AOX1: variants seen among roughly 807,000 people sequenced by gnomAD.
AOX1 encodes aldehyde oxidase.
In AOX1, 153 loss-of-function variants were observed where a neutral mutation model predicts 169.5. The observed-to-expected ratio is 0.90, with a 90% CI of 0.79 to 1.03. AOX1 has a LOEUF of 1.03. AOX1 is among the 50% of genes least tolerant of loss of function. The pLI is 0.00. For synonymous variants in AOX1, 562 were observed against 581.9 expected (o/e 0.97, Z 0.49); for missense variants, 1,656 against 1,663.9 (o/e 1.00, Z 0.08).
intron 10 of AOX1, among the ~76,000 whole-genome samples, chr2:200,606,570 G>A (rs878860074): frequency 2.6e-5 from 4 of 152,138 alleles, no homozygotes; most frequent in African/African-American, 9.7e-5. Flanking sequence ...AATTACTTTG[G>A]GCAGTATGGC....
chr2:200,667,305 T>C (rs902888571), intron 32 of AOX1, among the ~76,000 whole-genome samples: 2 of 152,162 alleles, frequency 1.3e-5, no homozygotes, highest in Admixed American at 6.5e-5. Flanking sequence ...GTGAAGTCGG[T>C]GGGCTGTACC....
chr2:200,629,749 GT>G (rs1207532155), intron 20 of AOX1, among the ~76,000 whole-genome samples: 1 of 152,108 alleles, frequency 6.6e-6, no homozygotes, highest in East Asian at 1.9e-4. Context: ...GGGGTTCCTT[GT>G]TTCATGTTTG....
At chr2:200,618,078 A>C (rs1323195844) in intron 16 of AOX1, among the ~76,000 whole-genome samples, 1 of 152,176 alleles carries the variant, frequency 6.6e-6, no homozygotes, top group Non-Finnish European at 1.5e-5. Flanking sequence ...CTGAACCCCA[A>C]TAAGTAAACT....
In AOX1 at chr2:200,639,894, G is replaced by A. The variant is rs533431596; in HGVS notation, c.2569-1204G>A. Among the ~76,000 whole-genome samples, 11 of 151,934 alleles carry A rather than the reference G, an allele frequency of 7.2e-5. No homozygotes were observed. In the East Asian group the frequency reaches 1.2e-3, roughly 16 times the overall value. On this transcript the variant is annotated intron_variant, in intron 23 of 34. Coordinates refer to ENST00000374700, the MANE Select transcript of AOX1 (RefSeq NM_001159.4). The stretch of plus-strand genomic sequence containing the variant: ...TAATAAAAATACAAAAAAATTAGCC[G>A]GGCATGGTGGCAGGCACCTGTAATC...
intron 29 of AOX1, among the ~76,000 whole-genome samples, chr2:200,660,634 A>G (rs1179200563): frequency 6.6e-6 from 1 of 152,224 alleles, no homozygotes; most frequent in African/African-American, 2.4e-5. Flanking sequence ...TCAAAGTAAT[A>G]GTTTATCAAC....
At chr2:200,627,250 G>A in intron 19 of AOX1, 103 bp from the exon 20 acceptor site, 1 of 748,894 alleles carries the variant, frequency 1.3e-6, no homozygotes, top group Non-Finnish European at 2.3e-6. Flanking sequence ...ACAAGGTGAA[G>A]GGAGAAACAA....
chr2:200,609,506 T>C, intron 12 of AOX1, 92 bp downstream of exon 12: 2 of 1,105,576 alleles, frequency 1.8e-6, no homozygotes, highest in South Asian at 2.6e-5. Flanking sequence ...TGAAAATGAC[T>C]TTTCCCTATA....
intron 31 of AOX1, among the ~76,000 whole-genome samples, chr2:200,664,151 A>G (rs1256517746): frequency 1.3e-5 from 2 of 152,036 alleles, no homozygotes; most frequent in Non-Finnish European, 2.9e-5. Flanking sequence ...TTGAGACAGA[A>G]TTTCACTCTG....
chr2:200,657,281 T>C (rs1183469948), intron 27 of AOX1, among the ~76,000 whole-genome samples: 1 of 148,486 alleles, frequency 6.7e-6, no homozygotes, highest in Non-Finnish European at 1.5e-5. Context: ...TGCTTGAGCC[T>C]GGGAGGTCGA....
In AOX1 at chr2:200,605,569, C is replaced by T. The variant is rs766081863; in HGVS notation, c.848C>T (p.Pro283Leu). Residue 283 changes from proline (P) to leucine (L), a missense_variant, in exon 10 of 35, where the codon CCA becomes CTA. Coordinates refer to ENST00000374700, the MANE Select transcript of AOX1 (RefSeq NM_001159.4). ...PEVKFKGVFH[P>L]VIISPDRIEE... is the part of the protein sequence containing the mutation. ...GTGAAATTTAAAGGCGTCTTTCACC[C>T]AGTTATAATTTCTCCTGATAGAATT... 20 of 1,561,256 alleles carry T rather than the reference C, an allele frequency of 1.3e-5. No homozygotes were observed. The highest frequency in any genetic ancestry group is 7.3e-5 in the Admixed American group (4 of 54,512).
chr2:200,602,654 C>T (rs942203139), intron 6 of AOX1, among the ~76,000 whole-genome samples: 2 of 152,076 alleles, frequency 1.3e-5, no homozygotes, highest in Non-Finnish European at 2.9e-5. Flanking sequence ...TAGCCCTCTG[C>T]GAACATGTGA....
intron 14 of AOX1, 55 bp from the exon 15 acceptor site, chr2:200,613,749 A>G (rs1027180858): frequency 6.6e-7 from 1 of 1,512,510 alleles, no homozygotes; most frequent in Non-Finnish European, 9.0e-7. Flanking sequence ...CATTAGATGA[A>G]GATATGGGGT....
At position 200,620,683 on chromosome 2, in the gene AOX1, AT is replaced by A; in HGVS notation, c.1740del (p.Ile580MetfsTer11). 6.4e-7 allele frequency: 1 copy of A among 1,566,974 alleles called. No homozygotes were observed. Among genetic ancestry groups the A allele is most frequent in the Non-Finnish European group, 8.6e-7 (1 of 1,165,362 alleles). ...CCCAAAGCAGCATCCTGAAGACCCA[AT>A]TGGCCACCCCATCATGCATCTGTCT... ...IGPKQHPEDP[I>X]GHPIMHLSGV... On this transcript the variant is annotated frameshift_variant, in exon 17 of 35. Coordinates refer to ENST00000374700, the MANE Select transcript of AOX1 (RefSeq NM_001159.4). LOFTEE classifies it high-confidence loss of function.
chr2:200,631,779 A>G (rs970645479), intron 20 of AOX1, among the ~76,000 whole-genome samples: 1 of 152,196 alleles, frequency 6.6e-6, no homozygotes, highest in African/African-American at 2.4e-5. Flanking sequence ...TAAAGTGACT[A>G]CTTAACAAAA....
At position 200,612,744 on chromosome 2, in the gene AOX1, G is replaced by T; in HGVS notation, c.1399G>T (p.Gly467Cys). 6.2e-7 allele frequency: 1 copy of T among 1,613,956 alleles called. No individual in the cohort carries two copies. The highest frequency in any genetic ancestry group is 8.5e-7 in the Non-Finnish European group (1 of 1,179,932). The change falls in exon 14 of 35, where the codon GGT (glycine) becomes TGT (cysteine). Residue 467 changes from glycine (G) to cysteine (C), a missense_variant. Coordinates refer to ENST00000374700, the MANE Select transcript of AOX1 (RefSeq NM_001159.4). Reference protein sequence around the residue: ...RELCISYGGVGPATICAKNSC... With the variant: ...RELCISYGGVCPATICAKNSC... ...GTTATGCATCTCATATGGAGGCGTT[G>T]GTCCAGCCACCATCTGTGCCAAGAA...
At chr2:200,656,145 C>A (rs2035677776) in intron 26 of AOX1, among the ~76,000 whole-genome samples, 1 of 152,216 alleles carries the variant, frequency 6.6e-6, no homozygotes, top group African/African-American at 2.4e-5. Context: ...CACAGTGGAA[C>A]CACTGAGAGA....
chr2:200,618,865 A>G (rs1014727889), intron 16 of AOX1, among the ~76,000 whole-genome samples: 1 of 152,218 alleles, frequency 6.6e-6, no homozygotes, highest in Admixed American at 6.5e-5. Flanking sequence ...AAACATCTGC[A>G]TGAAAAGGAA....
intron 5 of AOX1, among the ~76,000 whole-genome samples, chr2:200,600,029 T>A (rs1339478008): frequency 6.6e-6 from 1 of 152,198 alleles, no homozygotes; most frequent in African/African-American, 2.4e-5. Context: ...TCTCATTTGA[T>A]CCTCACAAAA....
rs753425603 is a variant in AOX1, at chr2:200,621,169, A to G, written c.1924A>G (p.Met642Val). 3.1e-6 allele frequency: 5 copies of G among 1,614,056 alleles called. No individual in the cohort carries two copies. ...CAGCATGCCCGGTGTGGTGGACATCATGACAGCAGAACATCTTAGTGACGT... is the reference window on the plus strand; with the variant it reads ...CAGCATGCCCGGTGTGGTGGACATCGTGACAGCAGAACATCTTAGTGACGT... The part of the protein sequence containing the change: ...ALSMPGVVDI[M>V]TAEHLSDVNS... The change falls in exon 18 of 35, where the codon ATG (methionine) becomes GTG (valine). Residue 642 changes from methionine to valine, a missense_variant. Met to Val is a conservative substitution (Grantham distance 21). Coordinates refer to ENST00000374700, the MANE Select transcript of AOX1 (RefSeq NM_001159.4).
Sources: gnomAD v4.1 joint callset for allele counts (sites outside exome capture counted in the v4.1 genomes callset) on GRCh38, gnomAD v4.1.1 for gene constraint, MANE v1.5 for transcripts, NCBI Gene and HGNC (gene_info 2026-07-23, HGNC 2026-07-21) for gene names.